SHROOM3: variants seen among roughly 807,000 people sequenced by gnomAD.
The protein encoded by SHROOM3 is shroom family member 3, also known as protein Shroom3.
SHROOM3 carries 47 observed loss-of-function variants against 138.6 expected under a neutral mutation model. The observed-to-expected ratio is 0.34, with a 90% CI of 0.27 to 0.43. The LOEUF is 0.43. SHROOM3 is among the 20% of genes least tolerant of loss of function. The probability of loss-of-function intolerance (pLI) is 1.00; values close to 1 mark genes in which losing one functional copy is unlikely to be tolerated. For synonymous variants in SHROOM3, 1,062 were observed against 1,063.3 expected (o/e 1.00, Z 0.02); for missense variants, 2,491 against 2,596.5 (o/e 0.96, Z 0.88).
chr4:76,507,105 A>G (rs1732227829), intron 1 of SHROOM3, among the ~76,000 whole-genome samples: 1 of 152,234 alleles, frequency 6.6e-6, no homozygotes, highest in Non-Finnish European at 1.5e-5. Flanking sequence ...TATAATTTGC[A>G]ATGATAATGG....
intron 1 of SHROOM3, among the ~76,000 whole-genome samples, chr4:76,437,219 A>G (rs957605479): frequency 3.3e-5 from 5 of 152,234 alleles, no homozygotes; most frequent in African/African-American, 1.2e-4. Context: ...GGACACCATT[A>G]TAAGTTGTAT....
intron 2 of SHROOM3, among the ~76,000 whole-genome samples, chr4:76,577,993 G>A (rs1243821596): frequency 6.6e-6 from 1 of 151,916 alleles, no homozygotes; most frequent in African/African-American, 2.4e-5. Flanking sequence ...CCTAGGTAAT[G>A]TCATCTTTTA....
intron 1 of SHROOM3, among the ~76,000 whole-genome samples, chr4:76,465,171 A>G (rs928417929): frequency 1.3e-5 from 2 of 152,260 alleles, no homozygotes; most frequent in African/African-American, 2.4e-5. Flanking sequence ...CTGGAGAGCT[A>G]GCATATGTCT....
At chr4:76,505,448 A>G (rs1732188920) in intron 1 of SHROOM3, among the ~76,000 whole-genome samples, 1 of 152,128 alleles carries the variant, frequency 6.6e-6, no homozygotes, top group African/African-American at 2.4e-5. Flanking sequence ...ACCCTTCTCC[A>G]GGCATGGCTG....
intron 1 of SHROOM3, among the ~76,000 whole-genome samples, chr4:76,442,975 G>A (rs1730727738): frequency 6.6e-6 from 1 of 152,164 alleles, no homozygotes; most frequent in South Asian, 2.1e-4. Flanking sequence ...GTGCACACAG[G>A]TTACTAGAAA....
intron 1 of SHROOM3, among the ~76,000 whole-genome samples, chr4:76,549,557 C>G (rs979219014): frequency 3.3e-5 from 5 of 151,994 alleles, no homozygotes; most frequent in Non-Finnish European, 7.4e-5. Context: ...TTAGTAGAGA[C>G]GGGGTTTCAC....
intron 5 of SHROOM3, among the ~76,000 whole-genome samples, chr4:76,746,275 A>G (rs1560611959): frequency 6.6e-6 from 1 of 152,232 alleles, no homozygotes; most frequent in South Asian, 2.1e-4. Flanking sequence ...ATTTATTACT[A>G]TTTCAGTCAT....
intron 1 of SHROOM3, among the ~76,000 whole-genome samples, chr4:76,511,448 C>T (rs191438772): frequency 2.6e-5 from 4 of 152,074 alleles, no homozygotes; most frequent in East Asian, 3.9e-4. Context: ...TCGGAATTCC[C>T]CTACTCTCAA....
intron 2 of SHROOM3, among the ~76,000 whole-genome samples, chr4:76,595,004 G>A (rs1734350818): frequency 6.6e-6 from 1 of 152,218 alleles, no homozygotes; most frequent in African/African-American, 2.4e-5. Context: ...AAAGCTCTTA[G>A]AGTCAGAAGG....
Position 76,623,461 on chromosome 4 carries a change from T to G in SHROOM3, c.323+67698T>G, listed in dbSNP as rs374997479. Among the ~76,000 whole-genome samples the G allele has an allele frequency of 2.0e-5, 3 of 152,350 alleles. No individual in the cohort carries two copies. In the East Asian group the frequency reaches 5.8e-4, roughly 29 times the overall value. The stretch of plus-strand genomic sequence containing the variant: ...ACTTGACTCCTAGCTAGAAAGTTAA[T>G]TGCCAGAGGTTCCAAGGAAAGCACT... On this transcript the variant is annotated intron_variant, in intron 2 of 10. Coordinates refer to ENST00000296043, the MANE Select transcript of SHROOM3 (RefSeq NM_020859.4).
chr4:76,606,474 C>T (rs1331738615), intron 2 of SHROOM3, among the ~76,000 whole-genome samples: 3 of 151,958 alleles, frequency 2.0e-5, no homozygotes, highest in East Asian at 1.9e-4. Flanking sequence ...CTTTGGGAGG[C>T]GGGTGGATCA....
chr4:76,754,479 C>T lies in SHROOM3; in HGVS notation c.3996C>T (p.Pro1332=), dbSNP rs200028926. The T allele has an allele frequency of 6.2e-7, 1 of 1,614,158 alleles. No homozygotes were observed. The highest frequency in any genetic ancestry group is 1.3e-5 in the African/African-American group (1 of 75,040). ...HQRQASRTPC[P]RPPLAGTQGL... is the part of the protein sequence containing the mutation. Reference sequence around the variant, plus strand: ...GGCAAGCCAGTAGGACACCCTGCCCCAGGCCACCACTGGCAGGAACGCAAG... The same window carrying T: ...GGCAAGCCAGTAGGACACCCTGCCCTAGGCCACCACTGGCAGGAACGCAAG... Residue 1332 remains proline (P), a synonymous_variant, in exon 7 of 11, where the codon CCC becomes CCT. Transcript: ENST00000296043.
At chr4:76,769,964 C>A (rs954906351) in intron 9 of SHROOM3, among the ~76,000 whole-genome samples, 1 of 152,120 alleles carries the variant, frequency 6.6e-6, no homozygotes, top group Non-Finnish European at 1.5e-5. Context: ...TTTACTCTAC[C>A]TGCCTACTTA....
At chr4:76,679,828 C>T (rs1257519408) in intron 2 of SHROOM3, among the ~76,000 whole-genome samples, 5 of 152,224 alleles carry the variant, frequency 3.3e-5, no homozygotes, top group Non-Finnish European at 7.3e-5. Context: ...GAATGCACTC[C>T]AGTTGAACCC....
chr4:76,612,442 A>G (rs567332975), intron 2 of SHROOM3, among the ~76,000 whole-genome samples: 11 of 152,260 alleles, frequency 7.2e-5, no homozygotes, highest in African/African-American at 2.6e-4. Flanking sequence ...TTGAGAATGA[A>G]TCCCAGGGCC....
At chr4:76,522,787 C>CAAATAA (rs927000733) in intron 1 of SHROOM3, among the ~76,000 whole-genome samples, 3 of 151,158 alleles carry the variant, frequency 2.0e-5, no homozygotes, top group Admixed American at 1.3e-4. Context: ...GACTCTGTCT[C>CAAATAA]AAATAAAAAT....
intron 2 of SHROOM3, among the ~76,000 whole-genome samples, chr4:76,572,187 C>T (rs1733846243): frequency 6.6e-6 from 1 of 152,096 alleles, no homozygotes; most frequent in South Asian, 2.1e-4. Context: ...TAGTAAATGT[C>T]CTTTGAGAAC....
At chr4:76,608,126 G>A (rs1022486182) in intron 2 of SHROOM3, among the ~76,000 whole-genome samples, 1 of 152,198 alleles carries the variant, frequency 6.6e-6, no homozygotes, top group Non-Finnish European at 1.5e-5. Flanking sequence ...CCTCATATGG[G>A]CTGGTTGTGG....
At chr4:76,743,346 C>A (rs1265329126) in intron 5 of SHROOM3, among the ~76,000 whole-genome samples, 3 of 152,196 alleles carry the variant, frequency 2.0e-5, no homozygotes, top group Non-Finnish European at 4.4e-5. Context: ...AAGTTTTTGA[C>A]AAGGATTTAG....
Sources: allele counts gnomAD v4.1 joint callset (sites outside exome capture counted in the v4.1 genomes callset), GRCh38; gene constraint gnomAD v4.1.1; transcripts MANE v1.5; gene names NCBI Gene and HGNC (gene_info 2026-07-23, HGNC 2026-07-21).